The following COL4A1 variants were observed in gnomAD, a reference collection of about 807,000 sequenced individuals.
COL4A1 encodes the protein collagen type IV alpha 1 chain.
COL4A1 carries 40 observed loss-of-function variants against 216.6 expected under a neutral mutation model. The observed-to-expected ratio is 0.18, with a 90% CI of 0.14 to 0.24. COL4A1 has a LOEUF of 0.24. Among genes scored for constraint, COL4A1 ranks in the 10% least tolerant of loss-of-function variants. The pLI is 1.00. For missense variants in COL4A1, 1,628 were observed against 2,196.8 expected, an observed-to-expected ratio of 0.74 and a Z score of 5.18; for synonymous variants, 839 against 810.7, an observed-to-expected ratio of 1.03 and a Z score of -0.59.
At position 110,222,771 on chromosome 13, in the gene COL4A1, TTA is replaced by T. The variant is rs1491314291; in HGVS notation, c.145-8758_145-8757del. ...CTGGGCGACAGAGCCAGACTCTGCT[TTA>T]AAAAAAAAAAAAAAAAAAAAAAAAA... is the stretch of plus-strand genomic sequence containing the variant. On this transcript the variant is annotated intron_variant, in intron 2 of 51. Transcript: ENST00000375820. Among the ~76,000 whole-genome samples the T allele has an allele frequency of 3.4e-4, 32 of 93,410 alleles. 2 individuals are homozygous for T. The highest frequency in any genetic ancestry group is 6.8e-4 in the East Asian group (2 of 2,940). 61.3% of individuals were successfully genotyped at this position (93,410 alleles called of 152,430 possible). A position where few individuals can be genotyped will look rare whatever the true frequency, so the allele number is the denominator to read the frequency against.
chr13:110,244,714 T>C (rs773731375), intron 1 of COL4A1, among the ~76,000 whole-genome samples: 3 of 152,192 alleles, frequency 2.0e-5, no homozygotes, highest in Non-Finnish European at 2.9e-5. Flanking sequence ...TTTACTTCTG[T>C]GTCTCCCCGG....
intron 1 of COL4A1, among the ~76,000 whole-genome samples, 195 bp downstream of exon 1, chr13:110,306,749 A>C (rs1181597976): frequency 6.6e-6 from 1 of 152,186 alleles, no homozygotes; most frequent in African/African-American, 2.4e-5. Flanking sequence ...ACCATAACAA[A>C]GGAGGCTCGG....
Position 110,198,693 on chromosome 13 carries a change from C to A in COL4A1, c.1121-62G>T. ...GGCCACTTAGCAACTACAGCATAAA[C>A]TCATTCTCCTAACTCTGTTCAAGGT... On this transcript the variant is annotated intron_variant, in intron 20 of 51. Coordinates refer to ENST00000375820, the MANE Select transcript of COL4A1 (RefSeq NM_001845.6). 4 of 1,594,746 alleles carry A rather than the reference C, an allele frequency of 2.5e-6. No individual in the cohort carries two copies. The South Asian group carries it at 4.4e-5, about 18-fold the overall frequency.
chr13:110,164,071 C>T (rs1384226930), intron 46 of COL4A1, among the ~76,000 whole-genome samples: 1 of 150,062 alleles, frequency 6.7e-6, no homozygotes, highest in Non-Finnish European at 1.5e-5. Context: ...TCACTGCAGC[C>T]TCGACCTCCC....
At chr13:110,174,829 A>G in intron 37 of COL4A1, 80 bp from the exon 38 acceptor site, 1 of 1,330,512 alleles carries the variant, frequency 7.5e-7, no homozygotes, top group South Asian at 1.2e-5. Flanking sequence ...ATAATGGTAT[A>G]CATTTTGGTG....
At chr13:110,289,576 G>A (rs1290518719) in intron 1 of COL4A1, among the ~76,000 whole-genome samples, 1 of 152,216 alleles carries the variant, frequency 6.6e-6, no homozygotes, top group East Asian at 1.9e-4. Flanking sequence ...GACAACGGAT[G>A]AGATACTCCA....
rs147788381 is a variant in COL4A1, at chr13:110,171,580, A to T, written c.3557-848T>A. On this transcript the variant is annotated intron_variant, in intron 41 of 51. Transcript: ENST00000375820. ...CCAAATCTTACCAATAAAAATGCCAAAATTCTAAGGTTATTTCCAAAACAA... is the reference window on the plus strand; with the variant it reads ...CCAAATCTTACCAATAAAAATGCCATAATTCTAAGGTTATTTCCAAAACAA... Among the ~76,000 whole-genome samples the T allele has an allele frequency of 6.9e-3, 1,045 of 152,340 alleles. 12 individuals are homozygous for T. The highest frequency in any genetic ancestry group is 0.023 in the African/African-American group (963 of 41,578).
intron 33 of COL4A1, 141 bp from the exon 34 acceptor site, chr13:110,177,178 G>T: frequency 7.1e-7 from 1 of 1,410,932 alleles, no homozygotes; most frequent in Non-Finnish European, 9.6e-7. Context: ...GGCATTAATG[G>T]CCAGTGTCTG....
At chr13:110,256,532 C>A (rs567459265) in intron 1 of COL4A1, among the ~76,000 whole-genome samples, 1 of 152,154 alleles carries the variant, frequency 6.6e-6, no homozygotes, top group East Asian at 1.9e-4. Flanking sequence ...CCCGGGAAAG[C>A]AAAGGAGGAA....
chr13:110,232,945 T>G (rs1303631424), intron 2 of COL4A1, among the ~76,000 whole-genome samples: 1 of 152,042 alleles, frequency 6.6e-6, no homozygotes. Flanking sequence ...TGGGCAGAAC[T>G]AGGAAGTGGA....
At chr13:110,296,699 G>A (rs1176646925) in intron 1 of COL4A1, among the ~76,000 whole-genome samples, 1 of 152,198 alleles carries the variant, frequency 6.6e-6, no homozygotes, top group Non-Finnish European at 1.5e-5. Flanking sequence ...TCCCACAGAT[G>A]AAGGCTCAGT....
intron 2 of COL4A1, among the ~76,000 whole-genome samples, chr13:110,238,633 G>A (rs566358531): frequency 5.3e-5 from 8 of 152,092 alleles, no homozygotes; most frequent in Admixed American, 1.3e-4. Context: ...GTTTACTCTC[G>A]CCTTGTTATT....
At chr13:110,229,610 T>C (rs1218199333) in intron 2 of COL4A1, among the ~76,000 whole-genome samples, 1 of 152,134 alleles carries the variant, frequency 6.6e-6, no homozygotes, top group Non-Finnish European at 1.5e-5. Context: ...AGGTGGGGCC[T>C]TGGGAAGTGA....
At chr13:110,278,651 G>C (rs1171623652) in intron 1 of COL4A1, among the ~76,000 whole-genome samples, 1 of 152,116 alleles carries the variant, frequency 6.6e-6, no homozygotes, top group African/African-American at 2.4e-5. Context: ...TCCACACATA[G>C]TAAATGCTTA....
intron 1 of COL4A1, among the ~76,000 whole-genome samples, chr13:110,253,599 G>A (rs663853): frequency 0.51 from 70,292 of 136,666 alleles, 18,700 homozygotes; most frequent in East Asian, 0.67. Context: ...ATAATTATAC[G>A]TATGTATGTA....
At chr13:110,259,414 T>G (rs1254020962) in intron 1 of COL4A1, among the ~76,000 whole-genome samples, 3 of 152,220 alleles carry the variant, frequency 2.0e-5, no homozygotes, top group Admixed American at 2.0e-4. Context: ...AAAAAAAATT[T>G]TTAAGCGTGT....
At chr13:110,232,631 A>C (rs1881115029) in intron 2 of COL4A1, among the ~76,000 whole-genome samples, 1 of 152,198 alleles carries the variant, frequency 6.6e-6, no homozygotes, top group African/African-American at 2.4e-5. Context: ...TTTACAAAAA[A>C]ATATTTTTTC....
At position 110,213,524 on chromosome 13, in the gene COL4A1, C is replaced by T. The variant is rs561038304; in HGVS notation, c.279+258G>A. Among the ~76,000 whole-genome samples, 22 of 152,280 alleles carry T rather than the reference C, an allele frequency of 1.4e-4. No homozygotes were observed. In the South Asian group the frequency reaches 4.6e-3, roughly 32 times the overall value. On this transcript the variant is annotated intron_variant, in intron 4 of 51. Coordinates refer to ENST00000375820, the MANE Select transcript of COL4A1 (RefSeq NM_001845.6). ...CCCAGAAGAGATTCCTGAAGAAGAA[C>T]AAATGGGGGAAAGCAAGTTTGCAGA...
intron 1 of COL4A1, among the ~76,000 whole-genome samples, chr13:110,299,436 G>C (rs1884407696): frequency 6.6e-6 from 1 of 152,228 alleles, no homozygotes. Context: ...TTACTTTGCT[G>C]TTTATGCTTC....
Sources: allele counts gnomAD v4.1 joint callset (sites outside exome capture counted in the v4.1 genomes callset), GRCh38; gene constraint gnomAD v4.1.1; transcripts MANE v1.5; gene names NCBI Gene and HGNC (gene_info 2026-07-23, HGNC 2026-07-21).